Variants in EPHA6 observed in about 807,000 individuals in gnomAD.
EPHA6 encodes ephrin type-A receptor 6.
A neutral mutation model predicts 112.0 loss-of-function variants in EPHA6; 50 were observed. The observed-to-expected ratio is 0.45, with a 90% CI of 0.36 to 0.56. EPHA6 has a LOEUF of 0.56. Ranked by LOEUF, EPHA6 falls within the 20% of genes least tolerant of loss-of-function variation. The probability of loss-of-function intolerance (pLI) is 0.00; values close to 1 mark genes in which losing one functional copy is unlikely to be tolerated. For synonymous variants in EPHA6, 529 were observed against 490.7 expected (o/e 1.08, Z -1.03); for missense variants, 1,280 against 1,417.4 (o/e 0.90, Z 1.56).
At chr3:97,367,515 C>A (rs1050741414) in intron 5 of EPHA6, among the ~76,000 whole-genome samples, 1 of 152,100 alleles carries the variant, frequency 6.6e-6, no homozygotes, top group Non-Finnish European at 1.5e-5. Flanking sequence ...TAACTGCTTA[C>A]TCCCTTCTCC....
intron 7 of EPHA6, among the ~76,000 whole-genome samples, 187 bp from the exon 8 acceptor site, chr3:97,475,165 C>T (rs955857463): frequency 6.6e-6 from 1 of 152,042 alleles, no homozygotes; most frequent in African/African-American, 2.4e-5. Flanking sequence ...ATGGCCCCAA[C>T]TCTTCAGCCC....
At chr3:97,363,431 T>G (rs2108946321) in intron 5 of EPHA6, among the ~76,000 whole-genome samples, 1 of 151,224 alleles carries the variant, frequency 6.6e-6, no homozygotes, top group Middle Eastern at 3.4e-3. Context: ...TTTACTTATC[T>G]CATTATAAAA....
chr3:97,571,855 A>T (rs563642764), intron 11 of EPHA6, among the ~76,000 whole-genome samples: 1 of 152,230 alleles, frequency 6.6e-6, no homozygotes, highest in Non-Finnish European at 1.5e-5. Context: ...ATAAACATCA[A>T]GGTCAATGTG....
intron 3 of EPHA6, among the ~76,000 whole-genome samples, chr3:97,061,799 C>T (rs577170522): frequency 4.6e-5 from 7 of 152,034 alleles, no homozygotes; most frequent in African/African-American, 7.2e-5. Flanking sequence ...GCTGCTGAAA[C>T]GCATACTATA....
intron 3 of EPHA6, among the ~76,000 whole-genome samples, chr3:97,199,484 A>AAG (rs2077524850): frequency 6.6e-6 from 1 of 152,120 alleles, no homozygotes; most frequent in Non-Finnish European, 1.5e-5. Flanking sequence ...GTAGTTGCCA[A>AAG]AGTTCTTCAG....
intron 15 of EPHA6, among the ~76,000 whole-genome samples, chr3:97,731,893 C>G (rs2035051611): frequency 6.6e-6 from 1 of 151,822 alleles, no homozygotes; most frequent in African/African-American, 2.4e-5. Flanking sequence ...TGTTTATCTC[C>G]TCCCTCTACT....
intron 8 of EPHA6, among the ~76,000 whole-genome samples, 166 bp from the exon 9 acceptor site, chr3:97,479,128 G>A (rs1402514863): frequency 6.6e-6 from 1 of 151,996 alleles, no homozygotes; most frequent in Non-Finnish European, 1.5e-5. Context: ...GCTAATTTCA[G>A]TGTACATAAA....
intron 17 of EPHA6, 84 bp downstream of exon 17, chr3:97,747,656 T>G (rs2035773719): frequency 8.1e-7 from 1 of 1,238,958 alleles, no homozygotes; most frequent in Admixed American, 3.2e-5. Flanking sequence ...ACACCTTTCC[T>G]TAGGCTAGTG....
intron 14 of EPHA6, among the ~76,000 whole-genome samples, chr3:97,640,488 G>A (rs567183345): frequency 1.2e-4 from 18 of 152,188 alleles, no homozygotes; most frequent in South Asian, 2.1e-4. Context: ...TATTGGGGCC[G>A]GGCACGGTGG....
chr3:97,602,623 C>T (rs1042244196), intron 12 of EPHA6, among the ~76,000 whole-genome samples: 4 of 152,010 alleles, frequency 2.6e-5, no homozygotes, highest in African/African-American at 9.7e-5. Flanking sequence ...AGTAACCTTA[C>T]CTGTTAAATT....
At chr3:97,610,725 A>C in intron 12 of EPHA6, 68 bp from the exon 13 acceptor site, 1 of 1,211,156 alleles carries the variant, frequency 8.3e-7, no homozygotes, top group East Asian at 2.3e-5. Context: ...ACAGCTGGGT[A>C]TCTCTTAACT....
chr3:97,518,457 T>A (rs968512078), intron 10 of EPHA6, among the ~76,000 whole-genome samples: 2 of 152,090 alleles, frequency 1.3e-5, no homozygotes, highest in Non-Finnish European at 2.9e-5. Flanking sequence ...ATACTGATTT[T>A]TTTTTTTCCT....
intron 5 of EPHA6, among the ~76,000 whole-genome samples, chr3:97,345,593 C>A (rs181749752): frequency 2.4e-4 from 37 of 152,154 alleles, no homozygotes; most frequent in Admixed American, 1.0e-3. Flanking sequence ...TGGTGGTTGA[C>A]AAGATATTGA....
At chr3:97,282,210 A>G (rs1429105249) in intron 5 of EPHA6, among the ~76,000 whole-genome samples, 2 of 152,196 alleles carry the variant, frequency 1.3e-5, no homozygotes, top group Non-Finnish European at 2.9e-5. Context: ...AGTATGTTCA[A>G]TATGTACAGA....
chr3:97,155,508 A>G (rs926456388), intron 3 of EPHA6, among the ~76,000 whole-genome samples: 5 of 152,210 alleles, frequency 3.3e-5, no homozygotes, highest in African/African-American at 7.2e-5. Context: ...TCACCAATTT[A>G]GCAACTTGAA....
intron 3 of EPHA6, among the ~76,000 whole-genome samples, chr3:97,094,371 A>G (rs1485295736): frequency 1.3e-5 from 2 of 152,154 alleles, no homozygotes; most frequent in Non-Finnish European, 2.9e-5. Flanking sequence ...CACGATATCA[A>G]AAGTAAACAG....
At chr3:97,435,525 G>T (rs976986445) in intron 6 of EPHA6, among the ~76,000 whole-genome samples, 4 of 152,138 alleles carry the variant, frequency 2.6e-5, no homozygotes, top group African/African-American at 4.8e-5. Context: ...TTGAGCCAAT[G>T]TATTTACAAC....
chr3:97,147,060 A>G (rs2076060521), intron 3 of EPHA6, among the ~76,000 whole-genome samples: 1 of 152,050 alleles, frequency 6.6e-6, no homozygotes. Context: ...CGCTGGCATC[A>G]TATGCTCAAA....
chr3:96,898,264 T>C (rs2038391110), intron 2 of EPHA6, among the ~76,000 whole-genome samples: 1 of 152,252 alleles, frequency 6.6e-6, no homozygotes, highest in African/African-American at 2.4e-5. Flanking sequence ...ACTCTACCTA[T>C]ATAATTACTT....
Sources: allele counts gnomAD v4.1 joint callset (sites outside exome capture counted in the v4.1 genomes callset), GRCh38; gene constraint gnomAD v4.1.1; transcripts MANE v1.5; gene names NCBI Gene and HGNC (gene_info 2026-07-23, HGNC 2026-07-21).